The following THOC2 variants were observed in gnomAD, a reference collection of about 807,000 sequenced individuals.
THOC2 encodes the protein THO complex 2.
In THOC2, 10 loss-of-function variants were observed where a neutral mutation model predicts 128.4. The observed-to-expected ratio is 0.08, with a 90% CI of 0.05 to 0.13. THOC2 has a LOEUF of 0.13. Among genes scored for constraint, THOC2 ranks in the 10% least tolerant of loss-of-function variants. The pLI is 1.00. For synonymous variants in THOC2, 393 were observed against 396.9 expected (o/e 0.99, Z 0.12); for missense variants, 535 against 1,155.7 (o/e 0.46, Z 7.79).
chrX:123,698,845 A>G (rs1002572396), intron 4 of THOC2, among the ~76,000 whole-genome samples: 1 of 108,911 alleles, frequency 9.2e-6, no homozygotes, highest in African/African-American at 3.4e-5. Flanking sequence ...ACTGCACTCC[A>G]GCCTGGGTGA....
chrX:123,656,765 T>C (rs1214040339), intron 12 of THOC2, among the ~76,000 whole-genome samples: 1 of 109,612 alleles, frequency 9.1e-6, no homozygotes, highest in Non-Finnish European at 1.9e-5. Context: ...ATTCCAGCAC[T>C]TTGGGAGGCG....
chrX:123,696,949 C>T (rs2050469883), intron 5 of THOC2, 107 bp from the exon 6 acceptor site: 2 of 574,048 alleles, frequency 3.5e-6, no homozygotes, highest in Non-Finnish European at 5.0e-6. Flanking sequence ...ATAACATTCT[C>T]TACATAACAA....
chrX:123,712,423 T>G (rs1284674752), intron 2 of THOC2, among the ~76,000 whole-genome samples: 1 of 112,266 alleles, frequency 8.9e-6, no homozygotes, highest in Non-Finnish European at 1.9e-5. Context: ...CCATGACAAC[T>G]GCCTTTAACA....
intron 15 of THOC2, among the ~76,000 whole-genome samples, 167 bp downstream of exon 15, chrX:123,644,408 A>T (rs2048045263): frequency 1.8e-5 from 2 of 112,296 alleles, no homozygotes; most frequent in Admixed American, 1.9e-4. Flanking sequence ...AGTCAAAATG[A>T]GCTAAAACCA....
intron 7 of THOC2, among the ~76,000 whole-genome samples, chrX:123,687,163 A>G (rs1016743816): frequency 6.2e-5 from 7 of 112,158 alleles, no homozygotes; most frequent in Non-Finnish European, 1.1e-4. Flanking sequence ...TAAACAGTTA[A>G]AAGTCCGGGT....
chrX:123,675,630 G>T (rs2049457473), intron 8 of THOC2, among the ~76,000 whole-genome samples: 1 of 107,567 alleles, frequency 9.3e-6, no homozygotes, highest in African/African-American at 3.4e-5. Context: ...GTGACAGAGG[G>T]AGACTCTGCC....
chrX:123,718,594 A>G (rs1332794948), intron 1 of THOC2, among the ~76,000 whole-genome samples: 4 of 111,287 alleles, frequency 3.6e-5, no homozygotes, highest in African/African-American at 1.3e-4. Flanking sequence ...ACCCTTCTCT[A>G]CTAAAAATAC....
At chrX:123,723,979 G>A (rs1378679678) in intron 1 of THOC2, among the ~76,000 whole-genome samples, 1 of 111,108 alleles carries the variant, frequency 9.0e-6, no homozygotes, top group Non-Finnish European at 1.9e-5. Context: ...CTATATTGAG[G>A]TTTCATGACT....
chrX:123,733,003 A>C lies in THOC2; in HGVS notation c.20T>G (p.Val7Gly). 8.3e-7 allele frequency: 1 copy of C among 1,211,507 alleles called. No individual in the cohort carries two copies. Among genetic ancestry groups the C allele is most frequent in the Non-Finnish European group, 1.1e-6 (1 of 895,338 alleles). ...GTTCTTTATCCACTCTGCGGGAACC[A>C]CCACAGCCGCGGCCGCCATCTTCCT... is the stretch of plus-strand genomic sequence containing the variant. MAAAAVVVPAEWIKNWE... is the reference protein window; with the variant it reads MAAAAVGVPAEWIKNWE... The change falls in exon 1 of 39, where the codon GTG becomes GGG. Residue 7 changes from valine (V) to glycine (G), a missense_variant. Coordinates refer to ENST00000245838, the MANE Select transcript of THOC2 (RefSeq NM_001081550.2).
At chrX:123,723,250 A>T (rs1332139029) in intron 1 of THOC2, among the ~76,000 whole-genome samples, 1 of 112,034 alleles carries the variant, frequency 8.9e-6, no homozygotes, top group Non-Finnish European at 1.9e-5. Flanking sequence ...TGGAAATATA[A>T]GCCACAGTAA....
chrX:123,642,169 T>G (rs1425352285), intron 15 of THOC2, among the ~76,000 whole-genome samples: 1 of 112,297 alleles, frequency 8.9e-6, no homozygotes, highest in Non-Finnish European at 1.9e-5. Flanking sequence ...CTCACGCCTG[T>G]AATCCCACCA....
At chrX:123,635,695 A>G in intron 19 of THOC2, among the ~76,000 whole-genome samples, 1 of 112,037 alleles carries the variant, frequency 8.9e-6, no homozygotes, top group Admixed American at 9.5e-5. Context: ...CTCAAGATAA[A>G]CAAGTTCCTA....
At chrX:123,607,277 ATCT>A (rs1385477969) in intron 38 of THOC2, among the ~76,000 whole-genome samples, 1 of 110,144 alleles carries the variant, frequency 9.1e-6, no homozygotes, top group Non-Finnish European at 1.9e-5. Flanking sequence ...ATATACTGTT[ATCT>A]TCTTAATTCT....
intron 7 of THOC2, among the ~76,000 whole-genome samples, chrX:123,688,653 G>A (rs1333462453): frequency 9.0e-6 from 1 of 111,046 alleles, no homozygotes; most frequent in Admixed American, 9.6e-5. Context: ...AGCCAGGGAG[G>A]CAGAGGCTGC....
In THOC2 at chrX:123,688,324, A is replaced by T. The variant is rs1224541036; in HGVS notation, c.602-1610T>A. Among the ~76,000 whole-genome samples, 5 of 112,474 alleles carry T rather than the reference A, an allele frequency of 4.4e-5. No homozygotes were observed. The South Asian group carries it at 1.5e-3, about 33-fold the overall frequency. Reference sequence around the variant, plus strand: ...AACTACTGATACAGGTAACAGTATGAAAGAATCACAAAATAATTATGCTGA... The same window carrying T: ...AACTACTGATACAGGTAACAGTATGTAAGAATCACAAAATAATTATGCTGA... On this transcript the variant is annotated intron_variant, in intron 7 of 38. Coordinates refer to ENST00000245838, the MANE Select transcript of THOC2 (RefSeq NM_001081550.2).
At position 123,633,046 on chromosome X, in the gene THOC2, CAAGGG is replaced by C. The variant is rs749921777; in HGVS notation, c.2137-11_2137-7del. 1.7e-6 allele frequency: 2 copies of C among 1,191,060 alleles called. No individual in the cohort carries two copies. Among genetic ancestry groups the C allele is most frequent in the African/African-American group, 3.5e-5 (2 of 56,806 alleles). On this transcript the variant is annotated splice_region_variant and splice_polypyrimidine_tract_variant and intron_variant, in intron 20 of 38. Transcript: ENST00000245838. ...ATCTGACCAAAATAACCACCCTGCACAAGGGAAGACACAAATTTACCAGTGTACAG... is the reference window on the plus strand; with the variant it reads ...ATCTGACCAAAATAACCACCCTGCACAAGACACAAATTTACCAGTGTACAG...
chrX:123,639,105 C>T, intron 16 of THOC2, 78 bp from the exon 17 acceptor site: 1 of 410,723 alleles, frequency 2.4e-6, no homozygotes, highest in Non-Finnish European at 4.2e-6. Flanking sequence ...AATGGCTACA[C>T]TTTCTATTTT....
At chrX:123,712,991 A>T (rs980595465) in intron 1 of THOC2, 83 bp from the exon 2 acceptor site, 2 of 633,899 alleles carry the variant, frequency 3.2e-6, no homozygotes, top group African/African-American at 2.2e-5. Flanking sequence ...TCAACTGGCA[A>T]GTAAAAAAAA....
Position 123,610,935 on chromosome X carries a change from A to G in THOC2, c.*1T>C, listed in dbSNP as rs762503346. The G allele has an allele frequency of 8.3e-7, 1 of 1,208,151 alleles. No individual in the cohort carries two copies. The highest frequency in any genetic ancestry group is 1.1e-6 in the Non-Finnish European group (1 of 893,788). The stretch of plus-strand genomic sequence containing the variant: ...ACACTCACCTTGATGGAAAGTCTTC[A>G]TTATCTGTGCTTGTCCGAGGACTTA... On this transcript the variant is annotated 3_prime_UTR_variant, in exon 38 of 39. Coordinates refer to ENST00000245838, the MANE Select transcript of THOC2 (RefSeq NM_001081550.2).
Sources: gnomAD v4.1 joint callset for allele counts (sites outside exome capture counted in the v4.1 genomes callset) on GRCh38, gnomAD v4.1.1 for gene constraint, MANE v1.5 for transcripts, NCBI Gene and HGNC (gene_info 2026-07-23, HGNC 2026-07-21) for gene names.